Variants in MLN observed in about 807,000 individuals in gnomAD.
The protein encoded by MLN is motilin, also known as promotilin.
MLN carries 14 observed loss-of-function variants against 13.3 expected under a neutral mutation model. The ratio of observed to expected loss-of-function variants is 1.05; its 90% CI spans 0.69 to 1.64. MLN has a LOEUF of 1.64. Ranked by LOEUF, MLN falls within the 40% of genes most tolerant of loss-of-function variation. The pLI, the probability that MLN is intolerant of heterozygous loss-of-function variation, is 0.00. For synonymous variants in MLN, 59 were observed against 54.7 expected (o/e 1.08, Z -0.34); for missense variants, 122 against 142.9 (o/e 0.85, Z 0.75).
chr6:33,797,283 C>G (rs1415439410), intron 3 of MLN, among the ~76,000 whole-genome samples: 2 of 152,230 alleles, frequency 1.3e-5, no homozygotes, highest in Non-Finnish European at 1.5e-5. Context: ...CTCTTCTTTT[C>G]CATCCACACC....
At chr6:33,795,819 A>G (rs1292869188) in intron 3 of MLN, among the ~76,000 whole-genome samples, 1 of 152,094 alleles carries the variant, frequency 6.6e-6, no homozygotes, top group East Asian at 1.9e-4. Flanking sequence ...GAGGGGATCA[A>G]TACACCTTCC....
In MLN at chr6:33,801,089, G is replaced by A; in HGVS notation, c.75C>T (p.Ala25=). The change falls in exon 2 of 5, where the codon GCC becomes GCT. Residue 25 remains alanine, a synonymous_variant. Coordinates refer to ENST00000430124, the MANE Select transcript of MLN (RefSeq NM_002418.3). The part of the protein sequence containing the change: ...VAAMLASQTE[A]FVPIFTYGEL... Reference sequence around the variant, plus strand: ...CGCCATAGGTGAAGATGGGGACGAAGGCTTCCGTCTGGGAGGCCAGCATGG... The same window carrying A: ...CGCCATAGGTGAAGATGGGGACGAAAGCTTCCGTCTGGGAGGCCAGCATGG... 6.2e-7 allele frequency: 1 copy of A among 1,614,134 alleles called. No homozygotes were observed. The highest frequency in any genetic ancestry group is 8.5e-7 in the Non-Finnish European group (1 of 1,180,006).
Position 33,800,973 on chromosome 6 carries a change from T to G in MLN, c.117+74A>C, listed in dbSNP as rs577088964. The G allele has an allele frequency of 9.2e-5, 110 of 1,201,340 alleles. No homozygotes were observed. The African/African-American group carries it at 1.3e-3, about 15-fold the overall frequency. The allele number at this position is 1,201,340 out of a possible 1,614,324, so 74.4% of individuals were successfully genotyped here. A position where few individuals can be genotyped will look rare whatever the true frequency, so the allele number is the denominator to read the frequency against. ...TATCTTGGGTCCTGGTCCTTTACAC[T>G]TTCCTTGGTATCACCGGCATAGGTC... On this transcript the variant is annotated intron_variant, in intron 2 of 4. Transcript: ENST00000430124.
intron 3 of MLN, among the ~76,000 whole-genome samples, chr6:33,797,134 T>G (rs1767945011): frequency 6.6e-6 from 1 of 152,210 alleles, no homozygotes; most frequent in Admixed American, 6.5e-5. Context: ...CTGGCCTGTG[T>G]CCAGTGGGAG....
intron 3 of MLN, among the ~76,000 whole-genome samples, chr6:33,796,999 C>A (rs1286687355): frequency 6.6e-6 from 1 of 152,232 alleles, no homozygotes; most frequent in Non-Finnish European, 1.5e-5. Flanking sequence ...CCTCCCAGCT[C>A]CCTCCTCAGG....
intron 4 of MLN, among the ~76,000 whole-genome samples, chr6:33,795,153 G>C (rs979022208): frequency 6.6e-6 from 1 of 152,230 alleles, no homozygotes; most frequent in Non-Finnish European, 1.5e-5. Context: ...AACTGGGCAA[G>C]GCCAAATGGG....
At position 33,802,309 on chromosome 6, in the gene MLN, C is replaced by T. The variant is rs548530675; in HGVS notation, c.-7-1139G>A. Among the ~76,000 whole-genome samples the T allele has an allele frequency of 3.9e-3, 590 of 152,172 alleles. 4 individuals are homozygous for T. The highest frequency in any genetic ancestry group is 0.014 in the African/African-American group (564 of 41,500). On this transcript the variant is annotated intron_variant, in intron 1 of 4. Coordinates refer to ENST00000430124, the MANE Select transcript of MLN (RefSeq NM_002418.3). ...AGGCCTCCAAGCAGGGAGGGGAGGCCGGGACAGCCCCTCCAGCAGTAGGGG... is the reference window on the plus strand; with the variant it reads ...AGGCCTCCAAGCAGGGAGGGGAGGCTGGGACAGCCCCTCCAGCAGTAGGGG...
intron 1 of MLN, among the ~76,000 whole-genome samples, chr6:33,801,853 C>T (rs1760837021): frequency 6.6e-6 from 1 of 152,374 alleles, no homozygotes; most frequent in Non-Finnish European, 1.5e-5. Flanking sequence ...CAGCAGGGAG[C>T]AGGCTTCCTC....
At chr6:33,802,707 C>G (rs1421879268) in intron 1 of MLN, among the ~76,000 whole-genome samples, 2 of 152,188 alleles carry the variant, frequency 1.3e-5, no homozygotes, top group Non-Finnish European at 2.9e-5. Flanking sequence ...AAATTCCCAG[C>G]AGGCTGAAAG....
chr6:33,794,861 C>T (rs201383723), intron 4 of MLN, 26 bp from the exon 5 acceptor site: 2 of 1,613,322 alleles, frequency 1.2e-6, no homozygotes, highest in East Asian at 4.5e-5. Context: ...GGTTTGCGCT[C>T]AGTACCATCA....
At chr6:33,797,466 G>A (rs1253578818) in intron 3 of MLN, among the ~76,000 whole-genome samples, 3 of 152,134 alleles carry the variant, frequency 2.0e-5, no homozygotes, top group Non-Finnish European at 1.5e-5. Flanking sequence ...TTTCAGGCCC[G>A]ATCTGACTCC....
chr6:33,795,604 A>G lies in MLN; in HGVS notation c.236T>C (p.Leu79Pro). The G allele has an allele frequency of 3.9e-6, 6 of 1,555,076 alleles. No individual in the cohort carries two copies. The highest frequency in any genetic ancestry group is 5.2e-6 in the Non-Finnish European group (6 of 1,148,336). Residue 79 changes from leucine (L) to proline (P), a missense_variant and splice_region_variant, in exon 4 of 5, where the codon CTG becomes CCG. Leu to Pro is a moderately conservative substitution (Grantham distance 98). Transcript: ENST00000430124. ...IREEENEMIK[L>P]TAPLEIGMRM... ...CATTCCAATTTCCAGAGGAGCAGTC[A>G]GCTGTGAAATAAGGCAGCGTTAACA... is the stretch of plus-strand genomic sequence containing the variant.
At chr6:33,798,014 T>A (rs1330277473) in intron 3 of MLN, among the ~76,000 whole-genome samples, 1 of 152,206 alleles carries the variant, frequency 6.6e-6, no homozygotes, top group African/African-American at 2.4e-5. Flanking sequence ...TGGCTGTTGC[T>A]TCCACCTGGA....
chr6:33,802,863 A>C (rs2127389321), intron 1 of MLN, among the ~76,000 whole-genome samples: 2 of 152,150 alleles, frequency 1.3e-5, no homozygotes, highest in South Asian at 4.2e-4. Context: ...TTCCCTGAAG[A>C]GTCTCTGGGG....
rs10456421 is a variant in MLN at position 33,803,371 on chromosome 6, G to A, written c.-8+582C>T. 0.12 allele frequency among the ~76,000 whole-genome samples: 18,042 copies of A among 149,712 alleles called. 1,470 individuals carry two copies. Among genetic ancestry groups the A allele is most frequent in the Middle Eastern group, 0.23 (66 of 288 alleles). On this transcript the variant is annotated intron_variant, in intron 1 of 4. Coordinates refer to ENST00000430124, the MANE Select transcript of MLN (RefSeq NM_002418.3). The surrounding 1 kb of genome is among the most constrained non-coding windows in gnomAD (Gnocchi z 4.5). ...CTCCCAGGCTAGAGTGCAGTGGCGC[G>A]ATCTCGGCTCACTGCAACCTCTGCC...
chr6:33,797,578 A>G (rs1461092727), intron 3 of MLN, among the ~76,000 whole-genome samples: 2 of 152,028 alleles, frequency 1.3e-5, no homozygotes, highest in East Asian at 3.9e-4. Context: ...CTTGAAGTCA[A>G]TTTTCACTTT....
chr6:33,799,304 G>A lies in MLN; in HGVS notation c.118-83C>T, dbSNP rs1767995053. ...CCCTTGCCTGTCTCCATCTGCCCAGGGTGCTGTCTGCCCTGAGCTCCCTAC... is the reference window on the plus strand; with the variant it reads ...CCCTTGCCTGTCTCCATCTGCCCAGAGTGCTGTCTGCCCTGAGCTCCCTAC... On this transcript the variant is annotated intron_variant, in intron 2 of 4. Coordinates refer to ENST00000430124, the MANE Select transcript of MLN (RefSeq NM_002418.3). This position sits in a 1 kb window ranked among gnomAD's most constrained non-coding sequence, Gnocchi z 4.6. 1.0e-6 allele frequency: 1 copy of A among 966,224 alleles called. No individual in the cohort carries two copies. Among genetic ancestry groups the A allele is most frequent in the Non-Finnish European group, 1.6e-6 (1 of 617,856 alleles). The allele number at this position is 966,224 out of a possible 1,614,324, so 59.9% of individuals were successfully genotyped here.
intron 3 of MLN, among the ~76,000 whole-genome samples, chr6:33,796,483 C>T (rs189432209): frequency 6.6e-6 from 1 of 152,232 alleles, no homozygotes; most frequent in African/African-American, 2.4e-5. Context: ...CTCCCCGTCC[C>T]CGCTCCGCAG....
chr6:33,795,983 G>T (rs367976753), intron 3 of MLN, among the ~76,000 whole-genome samples: 1 of 139,820 alleles, frequency 7.2e-6, no homozygotes, highest in Non-Finnish European at 1.5e-5. Flanking sequence ...TTTTTGAGAC[G>T]GAGTCTTGCT....
Sources: allele counts gnomAD v4.1 joint callset (sites outside exome capture counted in the v4.1 genomes callset), GRCh38; gene constraint gnomAD v4.1.1; non-coding constraint Gnocchi (gnomAD v3.1); transcripts MANE v1.5; gene names NCBI Gene and HGNC (gene_info 2026-07-23, HGNC 2026-07-21).